The following SIDT1 variants were observed in gnomAD, a reference collection of about 807,000 sequenced individuals.
The protein encoded by SIDT1 is SID1 transmembrane family member 1, also known as SID1 transmembrane family, member 1.
In SIDT1, 101 loss-of-function variants were observed where a neutral mutation model predicts 107.5. The observed-to-expected ratio is 0.94, with a 90% confidence interval of 0.80 to 1.11. The LOEUF (loss-of-function observed/expected upper bound fraction) is 1.11, where lower values mean the gene tolerates loss of function less well. SIDT1 is among the 50% of genes least tolerant of loss of function. The pLI is 0.00. For synonymous variants in SIDT1, 395 were observed against 398.2 expected, an observed-to-expected ratio of 0.99 and a Z score of 0.10; for missense variants, 1,076 against 1,058.2, an observed-to-expected ratio of 1.02 and a Z score of -0.23.
intron 23 of SIDT1, chr3:113,625,833 T>C: frequency 2.7e-6 from 1 of 372,586 alleles, no homozygotes; most frequent in Non-Finnish European, 4.8e-6. Flanking sequence ...TTTCTCCCAT[T>C]CTGTGGGTTG....
intron 1 of SIDT1, among the ~76,000 whole-genome samples, chr3:113,544,442 G>A (rs148207336): frequency 0.015 from 2,235 of 152,140 alleles, 21 homozygotes; most frequent in Non-Finnish European, 0.023. Context: ...CACCCAGCTC[G>A]GCCTCCCAAA....
intron 17 of SIDT1, 74 bp from the exon 18 acceptor site, chr3:113,610,934 G>GA: frequency 5.2e-6 from 8 of 1,548,832 alleles, no homozygotes; most frequent in Non-Finnish European, 7.0e-6. Context: ...AGAGTCTGAA[G>GA]AAAAATCTAG....
chr3:113,535,391 A>G (rs770581089), intron 1 of SIDT1, among the ~76,000 whole-genome samples: 1 of 152,264 alleles, frequency 6.6e-6, no homozygotes, highest in Non-Finnish European at 1.5e-5. Flanking sequence ...AATGAAATGT[A>G]TACTGTTTTC....
intron 20 of SIDT1, among the ~76,000 whole-genome samples, chr3:113,618,485 T>C (rs1946251802): frequency 6.6e-6 from 1 of 152,208 alleles, no homozygotes; most frequent in South Asian, 2.1e-4. Context: ...AAGTTTAGTT[T>C]TGTAAGAAAC....
chr3:113,597,394 G>A (rs1246447235), intron 10 of SIDT1, among the ~76,000 whole-genome samples: 4 of 151,554 alleles, frequency 2.6e-5, no homozygotes, highest in Admixed American at 2.6e-4. Flanking sequence ...CTACTCAGGA[G>A]GCTGAGGCAG....
intron 1 of SIDT1, among the ~76,000 whole-genome samples, chr3:113,537,142 G>A (rs900382868): frequency 1.3e-5 from 2 of 152,176 alleles, no homozygotes; most frequent in Non-Finnish European, 2.9e-5. Flanking sequence ...CTTCTCTGAG[G>A]TTTTCCTGTA....
At chr3:113,616,713 G>A (rs1040312408) in intron 20 of SIDT1, among the ~76,000 whole-genome samples, 3 of 146,988 alleles carry the variant, frequency 2.0e-5, no homozygotes, top group Non-Finnish European at 3.0e-5. Flanking sequence ...TTTTTGAGAC[G>A]GAGTTTTGCT....
At chr3:113,560,151 G>C (rs569783395) in intron 1 of SIDT1, among the ~76,000 whole-genome samples, 1 of 152,076 alleles carries the variant, frequency 6.6e-6, no homozygotes, top group Non-Finnish European at 1.5e-5. Flanking sequence ...CTCCCTAAGC[G>C]CCTTCCCAGA....
intron 1 of SIDT1, among the ~76,000 whole-genome samples, chr3:113,535,148 C>T (rs191173239): frequency 2.6e-5 from 4 of 152,186 alleles, no homozygotes; most frequent in East Asian, 1.9e-4. Context: ...GGCACATGCG[C>T]CTGTAGTCCC....
At chr3:113,553,228 G>A (rs989116617) in intron 1 of SIDT1, among the ~76,000 whole-genome samples, 5 of 152,132 alleles carry the variant, frequency 3.3e-5, no homozygotes, top group African/African-American at 9.7e-5. Context: ...AGTTGTCTTT[G>A]AAGAGGAAGA....
intron 4 of SIDT1, among the ~76,000 whole-genome samples, chr3:113,578,353 G>C (rs1399749045): frequency 6.6e-6 from 1 of 151,926 alleles, no homozygotes; most frequent in Non-Finnish European, 1.5e-5. Flanking sequence ...TGTGGTCCCA[G>C]CTACTCGGGA....
intron 4 of SIDT1, among the ~76,000 whole-genome samples, chr3:113,578,788 A>G (rs1173181790): frequency 2.0e-5 from 3 of 152,146 alleles, no homozygotes; most frequent in African/African-American, 7.2e-5. Context: ...CCAGGAGGTC[A>G]AGACTACAGT....
intron 2 of SIDT1, among the ~76,000 whole-genome samples, chr3:113,566,776 T>C (rs971407064): frequency 2.6e-5 from 4 of 152,190 alleles, no homozygotes; most frequent in African/African-American, 9.7e-5. Context: ...TTTACCATTT[T>C]AAAAACATAC....
At chr3:113,603,219 T>A in intron 12 of SIDT1, 69 bp downstream of exon 12, 1 of 1,461,932 alleles carries the variant, frequency 6.8e-7, no homozygotes, top group Non-Finnish European at 9.3e-7. Context: ...ACTTCAGCAA[T>A]ACCTCAGTTT....
chr3:113,619,144 C>T (rs1395767384), intron 20 of SIDT1, among the ~76,000 whole-genome samples: 1 of 152,122 alleles, frequency 6.6e-6, no homozygotes, highest in African/African-American at 2.4e-5. Context: ...TTAAAATTGA[C>T]CTTTTCTCCC....
chr3:113,569,213 A>T (rs1005862542), intron 3 of SIDT1, among the ~76,000 whole-genome samples: 1 of 152,000 alleles, frequency 6.6e-6, no homozygotes. Flanking sequence ...ATAAAATTTA[A>T]AGGCAGGCAA....
At chr3:113,575,991 C>A (rs1238626833) in intron 3 of SIDT1, among the ~76,000 whole-genome samples, 1 of 152,160 alleles carries the variant, frequency 6.6e-6, no homozygotes, top group Non-Finnish European at 1.5e-5. Context: ...GACTTGTGTG[C>A]ATGATCTTCA....
At chr3:113,542,902 TTGTGTGTGTGTGTGTGTGTG>T (rs71625216) in intron 1 of SIDT1, among the ~76,000 whole-genome samples, 3 of 145,144 alleles carry the variant, frequency 2.1e-5, no homozygotes, top group African/African-American at 7.7e-5. Flanking sequence ...TTTTGCTTGG[TTGTGTGTGTGTGTGTGTGTG>T]TGTGTGTGTG....
chr3:113,617,630 G>T (rs1043816917), intron 20 of SIDT1, among the ~76,000 whole-genome samples: 3 of 152,202 alleles, frequency 2.0e-5, no homozygotes, highest in African/African-American at 7.2e-5. Flanking sequence ...ATTCAGGTAA[G>T]AATGAAAAAG....
Sources: gnomAD v4.1 joint callset for allele counts (sites outside exome capture counted in the v4.1 genomes callset) on GRCh38, gnomAD v4.1.1 for gene constraint, MANE v1.5 for transcripts, NCBI Gene and HGNC (gene_info 2026-07-23, HGNC 2026-07-21) for gene names.